The following PRKRA variants were observed in gnomAD, a reference collection of about 807,000 sequenced individuals.
The protein encoded by PRKRA is interferon-inducible double-stranded RNA-dependent protein kinase activator A.
A neutral mutation model predicts 32.4 loss-of-function variants in PRKRA; 22 were observed. The observed-to-expected ratio is 0.68, with a 90% CI of 0.49 to 0.97. The LOEUF (loss-of-function observed/expected upper bound fraction) is 0.97, where lower values mean the gene tolerates loss of function less well. Among genes scored for constraint, PRKRA ranks in the 50% least tolerant of loss-of-function variants. The pLI is 0.00. For synonymous variants in PRKRA, 139 were observed against 129.8 expected, an observed-to-expected ratio of 1.07 and a Z score of -0.48; for missense variants, 319 against 375.6, an observed-to-expected ratio of 0.85 and a Z score of 1.25.
chr2:178,432,087 T>G lies in PRKRA; in HGVS notation c.*10A>C. ...TGTGCTACTGAAAGATTTTTTAAGT[T>G]GCTCCAGATTTACTTTCTTTCTGCT... On this transcript the variant is annotated 3_prime_UTR_variant, in exon 8 of 8. Transcript: ENST00000325748. 1 of 1,614,104 alleles carries G rather than the reference T, an allele frequency of 6.2e-7. No homozygotes were observed. The highest frequency in any genetic ancestry group is 8.5e-7 in the Non-Finnish European group (1 of 1,179,974).
intron 2 of PRKRA, among the ~76,000 whole-genome samples, chr2:178,449,603 T>G (rs1697466098): frequency 2.0e-5 from 3 of 152,268 alleles, no homozygotes; most frequent in Admixed American, 6.5e-5. Flanking sequence ...ACTTTAAAAT[T>G]TCATTGCTTT....
intron 3 of PRKRA, among the ~76,000 whole-genome samples, chr2:178,446,100 C>T (rs998354076): frequency 2.6e-5 from 4 of 151,894 alleles, no homozygotes; most frequent in East Asian, 3.9e-4. Context: ...CTGCAATCTC[C>T]GCCTCCCGGG....
At chr2:178,440,542 T>C (rs1407033550) in intron 6 of PRKRA, among the ~76,000 whole-genome samples, 1 of 152,216 alleles carries the variant, frequency 6.6e-6, no homozygotes, top group Non-Finnish European at 1.5e-5. Flanking sequence ...CATTATCTGC[T>C]CCCCTCTTGC....
At chr2:178,450,709 C>T (rs1207114487) in intron 1 of PRKRA, 1 of 1,395,350 alleles carries the variant, frequency 7.2e-7, no homozygotes, top group Non-Finnish European at 9.3e-7. Context: ...GAAAACCTGA[C>T]GATCCCTTCC....
chr2:178,450,876 C>A, intron 1 of PRKRA, 90 bp downstream of exon 1: 1 of 1,252,480 alleles, frequency 8.0e-7, no homozygotes, highest in Non-Finnish European at 1.0e-6. Context: ...ACGGCTTTAC[C>A]CAGAATGCCT....
intron 1 of PRKRA, chr2:178,450,755 C>G: frequency 1.5e-6 from 2 of 1,347,358 alleles, no homozygotes; most frequent in Non-Finnish European, 1.9e-6. Flanking sequence ...CCGCCCGCCC[C>G]GCGCGCCGCC....
intron 3 of PRKRA, among the ~76,000 whole-genome samples, chr2:178,445,147 A>C (rs1226354125): frequency 1.3e-5 from 2 of 152,238 alleles, no homozygotes; most frequent in Non-Finnish European, 2.9e-5. Context: ...TCCTGCAGAA[A>C]ATAGATGGCT....
chr2:178,440,793 TTGTAA>T (rs1697083087), intron 6 of PRKRA, among the ~76,000 whole-genome samples: 1 of 152,240 alleles, frequency 6.6e-6, no homozygotes, highest in Admixed American at 6.5e-5. Context: ...AGTGATTTCC[TTGTAA>T]TGTATAGACT....
chr2:178,433,545 T>C (rs1323621412), intron 7 of PRKRA: 1 of 152,256 alleles, frequency 6.6e-6, no homozygotes, highest in Non-Finnish European at 1.5e-5. Context: ...ATAGCCATCC[T>C]AGTGGATTTG....
intron 6 of PRKRA, chr2:178,440,085 T>G (rs191061521): frequency 1.3e-5 from 2 of 152,188 alleles, no homozygotes; most frequent in Non-Finnish European, 2.9e-5. Flanking sequence ...AGAGTTTAAA[T>G]AGCATTGAAA....
intron 6 of PRKRA, among the ~76,000 whole-genome samples, chr2:178,437,616 A>G (rs1199471652): frequency 1.3e-5 from 2 of 152,178 alleles, no homozygotes; most frequent in African/African-American, 2.4e-5. Context: ...AAGAACATGT[A>G]CACTTTTAAT....
intron 5 of PRKRA, among the ~76,000 whole-genome samples, chr2:178,442,846 T>C: frequency 6.6e-6 from 1 of 152,222 alleles, no homozygotes; most frequent in East Asian, 1.9e-4. Context: ...CATTTTTATC[T>C]CACTGCAATT....
intron 7 of PRKRA, among the ~76,000 whole-genome samples, chr2:178,432,528 A>G (rs1214608064): frequency 1.3e-5 from 2 of 152,172 alleles, no homozygotes; most frequent in Non-Finnish European, 2.9e-5. Context: ...AGAAATATAC[A>G]GTTGGGGGTG....
chr2:178,443,508 GAAAA>G (rs776820784), intron 4 of PRKRA, 124 bp from the exon 5 acceptor site: 19 of 704,170 alleles, frequency 2.7e-5, no homozygotes, highest in Non-Finnish European at 4.2e-5. Flanking sequence ...TTCTGCAACA[GAAAA>G]AAGAGGGAAG....
chr2:178,449,524 T>C (rs530410047), intron 2 of PRKRA, among the ~76,000 whole-genome samples: 7 of 152,350 alleles, frequency 4.6e-5, no homozygotes, highest in Admixed American at 1.3e-4. Context: ...AGAAAAATAA[T>C]GTCCACATTT....
In PRKRA at chr2:178,431,747, T is replaced by G; in HGVS notation, c.*350A>C. 3.0e-6 allele frequency: 1 copy of G among 331,496 alleles called. No individual in the cohort carries two copies. Among genetic ancestry groups the G allele is most frequent in the Non-Finnish European group, 5.7e-6 (1 of 174,082 alleles). 20.5% of individuals were successfully genotyped at this position (331,496 alleles called of 1,614,324 possible). The stretch of plus-strand genomic sequence containing the variant: ...TTTGAATTCCCTTTATAAAGCTTTG[T>G]GCAAAGAAGAGCTTAAGCACCAGTA... On this transcript the variant is annotated 3_prime_UTR_variant, in exon 8 of 8. Coordinates refer to ENST00000325748, the MANE Select transcript of PRKRA (RefSeq NM_003690.5).
intron 4 of PRKRA, 107 bp from the exon 5 acceptor site, chr2:178,443,491 AG>A: frequency 1.8e-6 from 1 of 561,988 alleles, no homozygotes; most frequent in Non-Finnish European, 3.1e-6. Context: ...TGAAAAGAAT[AG>A]TGATATTCTG....
chr2:178,449,918 T>A (rs1246163139), intron 2 of PRKRA, among the ~76,000 whole-genome samples: 1 of 152,216 alleles, frequency 6.6e-6, no homozygotes, highest in African/African-American at 2.4e-5. Context: ...CAGCTATGAC[T>A]GCTCCAAGAA....
At chr2:178,449,784 A>G (rs931915916) in intron 2 of PRKRA, among the ~76,000 whole-genome samples, 11 of 152,274 alleles carry the variant, frequency 7.2e-5, no homozygotes, top group Non-Finnish European at 1.5e-4. Flanking sequence ...CAGAATCAAA[A>G]GTAGCACAAT....
Sources: allele counts gnomAD v4.1 joint callset (sites outside exome capture counted in the v4.1 genomes callset), GRCh38; gene constraint gnomAD v4.1.1; transcripts MANE v1.5; gene names NCBI Gene and HGNC (gene_info 2026-07-23, HGNC 2026-07-21).